Variants in MAGI2 observed in about 807,000 individuals in gnomAD.
MAGI2 encodes the protein membrane-associated guanylate kinase, WW and PDZ domain-containing protein 2.
Under a neutral mutation model 133.3 loss-of-function variants are expected in MAGI2, and 35 were observed. The observed-to-expected ratio is 0.26, with a 90% CI of 0.20 to 0.35. MAGI2 has a LOEUF of 0.35. MAGI2 is among the 10% of genes least tolerant of loss of function. The pLI is 1.00. For missense variants in MAGI2, 1,636 were observed against 1,863.4 expected (o/e 0.88, Z 2.25); for synonymous variants, 729 against 710.6 (o/e 1.03, Z -0.41).
At chr7:78,095,848 C>G (rs1817645076) in intron 20 of MAGI2, among the ~76,000 whole-genome samples, 1 of 152,106 alleles carries the variant, frequency 6.6e-6, no homozygotes, top group Non-Finnish European at 1.5e-5. Context: ...ATTTCCTAGA[C>G]AACTGGAAGG....
intron 1 of MAGI2, among the ~76,000 whole-genome samples, chr7:79,320,951 G>C (rs1165607506): frequency 1.3e-5 from 2 of 152,100 alleles, no homozygotes; most frequent in Non-Finnish European, 2.9e-5. Context: ...AACATGCTGG[G>C]AGAAGGACTG....
At position 79,406,143 on chromosome 7, in the gene MAGI2, G is replaced by A. The variant is rs115694209; in HGVS notation, c.301+46877C>T. On this transcript the variant is annotated intron_variant, in intron 1 of 21. Transcript: ENST00000354212. ...GAGTATATTTTTAAGGAAGTTTTCC[G>A]GGTTGATAGGTTTTTTTGGCAATTG... Among the ~76,000 whole-genome samples the A allele has an allele frequency of 8.8e-3, 1,344 of 151,998 alleles. 14 individuals are homozygous for A. The highest frequency in any genetic ancestry group is 0.031 in the African/African-American group (1,287 of 41,488).
chr7:78,852,221 T>G, intron 2 of MAGI2, among the ~76,000 whole-genome samples: 1 of 152,128 alleles, frequency 6.6e-6, no homozygotes, highest in South Asian at 2.1e-4. Context: ...TGAAATCTAT[T>G]CATTTTGTCT....
intron 1 of MAGI2, among the ~76,000 whole-genome samples, chr7:79,163,038 A>T (rs185788537): frequency 6.6e-6 from 1 of 152,056 alleles, no homozygotes; most frequent in African/African-American, 2.4e-5. Flanking sequence ...AAACAAAACA[A>T]AAAAAACACT....
chr7:79,229,605 G>A (rs973548755), intron 1 of MAGI2, among the ~76,000 whole-genome samples: 2 of 152,084 alleles, frequency 1.3e-5, no homozygotes, highest in African/African-American at 4.8e-5. Context: ...GTTTTCAAGT[G>A]GATAATGCAT....
At chr7:79,258,566 G>T (rs534455190) in intron 1 of MAGI2, among the ~76,000 whole-genome samples, 1 of 152,322 alleles carries the variant, frequency 6.6e-6, no homozygotes, top group East Asian at 1.9e-4. Flanking sequence ...AGTTTTCTAA[G>T]AGCTTTGCCT....
intron 1 of MAGI2, among the ~76,000 whole-genome samples, chr7:79,076,123 C>A (rs571146059): frequency 6.6e-6 from 1 of 152,312 alleles, no homozygotes; most frequent in East Asian, 1.9e-4. Flanking sequence ...TTGGCTTCCA[C>A]TCCACCTGCA....
chr7:78,023,380 C>T (rs1489594816), intron 21 of MAGI2, among the ~76,000 whole-genome samples: 2 of 152,162 alleles, frequency 1.3e-5, no homozygotes, highest in East Asian at 1.9e-4. Flanking sequence ...TCCTCCTTCC[C>T]TCCTTCCTTC....
chr7:78,058,704 C>A (rs1236161240), intron 21 of MAGI2, among the ~76,000 whole-genome samples: 1 of 151,860 alleles, frequency 6.6e-6, no homozygotes, highest in Non-Finnish European at 1.5e-5. Flanking sequence ...TTTTTTTATA[C>A]CCTCAGATTA....
At chr7:78,530,791 G>C (rs1490134692) in intron 3 of MAGI2, among the ~76,000 whole-genome samples, 3 of 151,188 alleles carry the variant, frequency 2.0e-5, no homozygotes, top group South Asian at 2.1e-4. Context: ...TTTCAGTCTT[G>C]CCAAGTGACT....
At chr7:78,060,249 C>CT (rs1813092180) in intron 21 of MAGI2, among the ~76,000 whole-genome samples, 1 of 89,496 alleles carries the variant, frequency 1.1e-5, no homozygotes, top group Admixed American at 1.2e-4. Context: ...AAGGGACCCC[C>CT]CCCCCTCTTT....
rs554438114 is a variant in MAGI2, at chr7:79,252,334, CAAAGA to C, written c.301+200681_301+200685del. On this transcript the variant is annotated intron_variant, in intron 1 of 21. Transcript: ENST00000354212. ...AATAAGCCAGAAACAAACAAACAAA[CAAAGA>C]AAACAAACAAATGTTGCATATTCTG... is the stretch of plus-strand genomic sequence containing the variant. Among the ~76,000 whole-genome samples, 767 of 151,910 alleles carry C rather than the reference CAAAGA, an allele frequency of 5.0e-3. 3 individuals carry two copies. Among genetic ancestry groups the C allele is most frequent in the Middle Eastern group, 0.017 (5 of 294 alleles).
chr7:79,068,580 GTA>G (rs1814620040), intron 1 of MAGI2, among the ~76,000 whole-genome samples: 1 of 151,894 alleles, frequency 6.6e-6, no homozygotes, highest in Non-Finnish European at 1.5e-5. Context: ...TTTTGTGTGT[GTA>G]TCTCTTTCCA....
At chr7:79,125,910 G>A (rs1240782340) in intron 1 of MAGI2, among the ~76,000 whole-genome samples, 1 of 152,228 alleles carries the variant, frequency 6.6e-6, no homozygotes. Context: ...GGTCAACCAA[G>A]CATAGTGGTG....
intron 1 of MAGI2, among the ~76,000 whole-genome samples, chr7:79,426,996 C>T (rs1847418173): frequency 6.6e-6 from 1 of 152,096 alleles, no homozygotes; most frequent in Non-Finnish European, 1.5e-5. Flanking sequence ...TTACTATTGT[C>T]TGATTGCAGG....
At chr7:78,317,958 C>G (rs1347952198) in intron 9 of MAGI2, among the ~76,000 whole-genome samples, 1 of 152,174 alleles carries the variant, frequency 6.6e-6, no homozygotes. Context: ...ACAGAAACCC[C>G]GTTGGAAGGT....
intron 2 of MAGI2, among the ~76,000 whole-genome samples, chr7:78,889,770 A>C (rs754524256): frequency 3.3e-5 from 5 of 152,202 alleles, no homozygotes; most frequent in South Asian, 4.1e-4. Flanking sequence ...GCCACTGCAA[A>C]AACATGCCAA....
chr7:78,736,898 T>C (rs1313534915), intron 2 of MAGI2, among the ~76,000 whole-genome samples: 1 of 152,182 alleles, frequency 6.6e-6, no homozygotes, highest in African/African-American at 2.4e-5. Context: ...AAATGAAAAA[T>C]GCAAGTAACT....
At chr7:78,605,366 T>C (rs1438385154) in intron 3 of MAGI2, among the ~76,000 whole-genome samples, 1 of 152,194 alleles carries the variant, frequency 6.6e-6, no homozygotes, top group African/African-American at 2.4e-5. Flanking sequence ...GAAGAATTTT[T>C]GCACTAAGGT....
Sources: allele counts gnomAD v4.1 joint callset (sites outside exome capture counted in the v4.1 genomes callset), GRCh38; gene constraint gnomAD v4.1.1; transcripts MANE v1.5; gene names NCBI Gene and HGNC (gene_info 2026-07-23, HGNC 2026-07-21).